Variants in VWF observed in about 807,000 individuals in gnomAD.
The protein encoded by VWF is von Willebrand factor, also known as Factor VIII related antigen.
Under a neutral mutation model 308.6 loss-of-function variants are expected in VWF, and 176 were observed. The ratio of observed to expected loss-of-function variants is 0.57; its 90% CI spans 0.50 to 0.65. The LOEUF is 0.65. Ranked by LOEUF, VWF falls within the 30% of genes least tolerant of loss-of-function variation. The probability of loss-of-function intolerance (pLI) is 0.00; values close to 1 mark genes in which losing one functional copy is unlikely to be tolerated. For missense variants in VWF, 3,146 were observed against 3,648.2 expected, an observed-to-expected ratio of 0.86 and a Z score of 3.55; for synonymous variants, 1,385 against 1,443.4, an observed-to-expected ratio of 0.96 and a Z score of 0.92.
At chr12:6,078,008 G>A (rs779795452) in intron 6 of VWF, among the ~76,000 whole-genome samples, 5 of 152,148 alleles carry the variant, frequency 3.3e-5, no homozygotes, top group African/African-American at 4.8e-5. Flanking sequence ...GAATATGCAC[G>A]CGGAAGACTT....
At chr12:6,022,433 C>T (rs1322226924) in intron 26 of VWF, among the ~76,000 whole-genome samples, 1 of 152,050 alleles carries the variant, frequency 6.6e-6, no homozygotes, top group Non-Finnish European at 1.5e-5. Context: ...ACTTCAGTTC[C>T]TCAGACACAC....
chr12:6,053,881 T>G (rs973317483), intron 15 of VWF, among the ~76,000 whole-genome samples: 4 of 152,210 alleles, frequency 2.6e-5, no homozygotes, highest in African/African-American at 9.7e-5. Context: ...GAAGGAGTGT[T>G]CCAGAGAAAG....
chr12:5,965,513 C>T (rs560446598), intron 47 of VWF, among the ~76,000 whole-genome samples: 25 of 152,340 alleles, frequency 1.6e-4, no homozygotes, highest in Admixed American at 1.3e-3. Context: ...AGCAGAGTGA[C>T]CTCTCTTCCT....
chr12:6,015,046 G>A (rs893021224), intron 31 of VWF, among the ~76,000 whole-genome samples: 2 of 152,184 alleles, frequency 1.3e-5, no homozygotes, highest in African/African-American at 2.4e-5. Flanking sequence ...AGGTTGGAAC[G>A]GATTTTCTAT....
intron 6 of VWF, among the ~76,000 whole-genome samples, chr12:6,085,115 C>T (rs1440336833): frequency 6.6e-6 from 1 of 152,156 alleles, no homozygotes; most frequent in Admixed American, 6.5e-5. Flanking sequence ...CCTTGGGGCT[C>T]CTGGAGGCAT....
rs2270239 is a variant in VWF, at chr12:5,969,450, T to G, written c.7549-59A>C. ...GGCAGGGCTGGAGCCCAGGGTCCCA[T>G]TGGGAATGTGCTCTTCTCTCAGGAA... On this transcript the variant is annotated intron_variant, in intron 44 of 51. Coordinates refer to ENST00000261405, the MANE Select transcript of VWF (RefSeq NM_000552.5). The G allele has an allele frequency of 0.63, 1,010,833 of 1,603,024 alleles. 325,972 individuals are homozygous for G. The highest frequency in any genetic ancestry group is 0.92 in the African/African-American group (68,569 of 74,782).
rs548180311 is a variant in VWF at position 5,951,316 on chromosome 12, G to A, written c.8155+528C>T. 5.3e-5 allele frequency among the ~76,000 whole-genome samples: 8 copies of A among 152,282 alleles called. No homozygotes were observed. The South Asian group carries it at 1.4e-3, about 28-fold the overall frequency. Reference sequence around the variant, plus strand: ...AGGAGCTCAGAGTGAAGAAGAGGGGGTGATAAACTTAGACCAGCCCCCACA... The same window carrying A: ...AGGAGCTCAGAGTGAAGAAGAGGGGATGATAAACTTAGACCAGCCCCCACA... On this transcript the variant is annotated intron_variant, in intron 50 of 51. Coordinates refer to ENST00000261405, the MANE Select transcript of VWF (RefSeq NM_000552.5).
In VWF at chr12:5,952,415, A is replaced by T. The variant is rs1381011008; in HGVS notation, c.8091T>A (p.Asp2697Glu). ...EKRVTGCPPF[D>E]EHKCLAEGGK... is the part of the protein sequence containing the mutation. The stretch of plus-strand genomic sequence containing the variant: ...CTCCCTCAGCCAGACACTTGTGTTC[A>T]TCAAAGGGTGGGCAGCCTGTGACCC... The change falls in exon 49 of 52, where the codon GAT (aspartate) becomes GAA (glutamate). Residue 2697 changes from aspartate to glutamate, a missense_variant. Around this residue, in one of 3 missense-constraint regions of VWF, gnomAD observed 989 missense variants for 1,117.4 expected, o/e 0.89. Transcript: ENST00000261405. 4.3e-6 allele frequency: 7 copies of T among 1,614,122 alleles called. No homozygotes were observed. Among genetic ancestry groups the T allele is most frequent in the Non-Finnish European group, 4.2e-6 (5 of 1,179,946 alleles).
rs139221231 is a variant in VWF, at chr12:5,974,723, G to A, written c.7437+1388C>T. Among the ~76,000 whole-genome samples the A allele has an allele frequency of 4.5e-4, 68 of 152,354 alleles. 1 individual carries two copies. The highest frequency in any genetic ancestry group is 8.5e-4 in the Non-Finnish European group (58 of 68,036). The stretch of plus-strand genomic sequence containing the variant: ...TGAGAAAGCAAAACTTCTGCACAGA[G>A]GAAGCTGGCCTGCAGTGAGGAGCTG... On this transcript the variant is annotated intron_variant, in intron 43 of 51. Coordinates refer to ENST00000261405, the MANE Select transcript of VWF (RefSeq NM_000552.5).
intron 37 of VWF, among the ~76,000 whole-genome samples, chr12:5,993,266 C>T (rs1256352384): frequency 6.6e-6 from 1 of 152,176 alleles, no homozygotes; most frequent in Non-Finnish European, 1.5e-5. Context: ...ATATCTGATT[C>T]ATTTCAGTTT....
intron 10 of VWF, 35 bp from the exon 11 acceptor site, chr12:6,065,308 G>A (rs1156497609): frequency 3.1e-6 from 5 of 1,613,272 alleles, no homozygotes; most frequent in Admixed American, 3.3e-5. Context: ...AAGAATGGGA[G>A]GTGAGGGCAC....
At chr12:6,062,377 A>G (rs1391460401) in intron 13 of VWF, among the ~76,000 whole-genome samples, 2 of 151,976 alleles carry the variant, frequency 1.3e-5, no homozygotes, top group Non-Finnish European at 2.9e-5. Context: ...TGCCTCATTT[A>G]TAAAATGGCA....
At position 5,979,314 on chromosome 12, in the gene VWF, C is replaced by G. The variant is rs374437662; in HGVS notation, c.7287+2472G>C. Among the ~76,000 whole-genome samples the G allele has an allele frequency of 7.9e-5, 12 of 152,346 alleles. No individual in the cohort carries two copies. The East Asian group carries it at 2.3e-3, about 29-fold the overall frequency. ...GTATGATAGAAGTAGAGAAAAGTCACAATTTTGAAACTCCTAATGACATAA... is the reference window on the plus strand; with the variant it reads ...GTATGATAGAAGTAGAGAAAAGTCAGAATTTTGAAACTCCTAATGACATAA... On this transcript the variant is annotated intron_variant, in intron 42 of 51. Coordinates refer to ENST00000261405, the MANE Select transcript of VWF (RefSeq NM_000552.5).
intron 6 of VWF, among the ~76,000 whole-genome samples, chr12:6,078,685 C>T (rs1944872331): frequency 6.6e-6 from 1 of 152,168 alleles, no homozygotes; most frequent in Non-Finnish European, 1.5e-5. Flanking sequence ...CTGATTCCTG[C>T]AGGCACAGGG....
At chr12:5,985,850 G>T (rs936639963) in intron 38 of VWF, among the ~76,000 whole-genome samples, 185 bp from the exon 39 acceptor site, 3 of 152,232 alleles carry the variant, frequency 2.0e-5, no homozygotes, top group Non-Finnish European at 2.9e-5. Flanking sequence ...CTTTCAGAAA[G>T]GTGGTTGCCA....
intron 31 of VWF, among the ~76,000 whole-genome samples, chr12:6,015,027 A>C (rs1466206395): frequency 6.6e-6 from 1 of 152,238 alleles, no homozygotes; most frequent in East Asian, 1.9e-4. Flanking sequence ...GGAATTTGCA[A>C]TGTGCTTCAG....
At chr12:5,952,010 G>A in intron 49 of VWF, 127 bp from the exon 50 acceptor site, 1 of 930,884 alleles carries the variant, frequency 1.1e-6, no homozygotes, top group Non-Finnish European at 1.7e-6. Flanking sequence ...TGTAAACTAT[G>A]CTTTCCTATC....
chr12:6,013,055 G>C (rs1302121821), intron 32 of VWF, among the ~76,000 whole-genome samples: 4 of 152,114 alleles, frequency 2.6e-5, no homozygotes, highest in African/African-American at 4.8e-5. Flanking sequence ...ATGGTACTTT[G>C]ATATGAGTCT....
In VWF at chr12:6,073,674, G is replaced by A. The variant is rs1591901014; in HGVS notation, c.942C>T (p.Ser314=). ...CCTGACACATTTCATTGATGTGCAG[G>A]CTCTGGCAGGTCCTGGCGCAAGGGG... ...CVSPCARTCQ[S]LHINEMCQER... is the part of the protein sequence containing the mutation. The change falls in exon 8 of 52, where the codon AGC becomes AGT. Residue 314 remains serine, a synonymous_variant. Transcript: ENST00000261405. 1.2e-6 allele frequency: 2 copies of A among 1,614,060 alleles called. No individual in the cohort carries two copies. The highest frequency in any genetic ancestry group is 1.7e-6 in the Non-Finnish European group (2 of 1,180,010).
Sources: allele counts gnomAD v4.1 joint callset (sites outside exome capture counted in the v4.1 genomes callset), GRCh38; gene constraint gnomAD v4.1.1; regional missense constraint gnomAD v4.1.1; transcripts MANE v1.5; gene names NCBI Gene and HGNC (gene_info 2026-07-23, HGNC 2026-07-21).